DCDC1: variants seen among roughly 807,000 people sequenced by gnomAD.
The protein encoded by DCDC1 is doublecortin domain-containing protein 1.
Under a neutral mutation model 178.3 loss-of-function variants are expected in DCDC1, and 200 were observed. The ratio of observed to expected loss-of-function variants is 1.12; its 90% CI spans 1.00 to 1.26. The LOEUF (loss-of-function observed/expected upper bound fraction) is 1.26, where lower values mean the gene tolerates loss of function less well. Among genes scored for constraint, DCDC1 ranks in the 50% most tolerant of loss-of-function variants. The pLI is 0.00. For missense variants in DCDC1, 1,983 were observed against 1,749.2 expected (o/e 1.13, Z -2.38); for synonymous variants, 690 against 604.8 (o/e 1.14, Z -2.07).
At chr11:31,245,873 C>T (rs1294888220) in intron 8 of DCDC1, among the ~76,000 whole-genome samples, 1 of 151,838 alleles carries the variant, frequency 6.6e-6, no homozygotes, top group Non-Finnish European at 1.5e-5. Flanking sequence ...TCAAGAGGAT[C>T]TTCTATTAAA....
At chr11:31,186,990 T>C (rs569157519) in intron 9 of DCDC1, among the ~76,000 whole-genome samples, 34 of 152,286 alleles carry the variant, frequency 2.2e-4, no homozygotes, top group Admixed American at 9.8e-4. Flanking sequence ...TGCACGATTT[T>C]ATCTCAGGGT....
intron 7 of DCDC1, among the ~76,000 whole-genome samples, chr11:31,272,160 TAA>T (rs71060483): frequency 2.5e-3 from 343 of 135,550 alleles, no homozygotes; most frequent in African/African-American, 4.9e-3. Flanking sequence ...AGACTCCATC[TAA>T]AAAAAAAAAA....
intron 7 of DCDC1, among the ~76,000 whole-genome samples, chr11:31,267,373 G>A (rs888425513): frequency 3.9e-5 from 6 of 151,992 alleles, no homozygotes; most frequent in Non-Finnish European, 7.4e-5. Context: ...TGTATTTTTA[G>A]TAGAGACGGG....
At chr11:31,148,210 T>TAA (rs55829692) in intron 9 of DCDC1, among the ~76,000 whole-genome samples, 4,602 of 94,514 alleles carry the variant, frequency 0.049, 283 homozygotes, top group African/African-American at 0.13. Flanking sequence ...TTTATTATTA[T>TAA]AAAAAAAAAA....
chr11:31,005,038 TATG>T (rs1444142897), intron 20 of DCDC1, among the ~76,000 whole-genome samples: 1 of 152,230 alleles, frequency 6.6e-6, no homozygotes, highest in African/African-American at 2.4e-5. Context: ...AGTGAACTGA[TATG>T]ATATTTTATA....
intron 18 of DCDC1, among the ~76,000 whole-genome samples, chr11:31,075,267 C>T (rs1358072861): frequency 1.3e-5 from 2 of 152,070 alleles, no homozygotes; most frequent in African/African-American, 4.8e-5. Context: ...TGTATATATA[C>T]CACATTTTCT....
chr11:31,295,465 T>C (rs1167988044), intron 6 of DCDC1, among the ~76,000 whole-genome samples: 1 of 152,122 alleles, frequency 6.6e-6, no homozygotes, highest in African/African-American at 2.4e-5. Context: ...TGCACCCTTC[T>C]GAGAATTGCC....
At chr11:30,983,184 T>G (rs1238065530) in intron 20 of DCDC1, among the ~76,000 whole-genome samples, 1 of 152,194 alleles carries the variant, frequency 6.6e-6, no homozygotes, top group East Asian at 1.9e-4. Flanking sequence ...GCTTTGAATA[T>G]TCTCTGGTCC....
intron 20 of DCDC1, among the ~76,000 whole-genome samples, chr11:31,021,049 C>G (rs373685509): frequency 6.6e-6 from 1 of 152,024 alleles, no homozygotes; most frequent in East Asian, 1.9e-4. Flanking sequence ...TTAATCTTGC[C>G]AATTGGCAAA....
intron 9 of DCDC1, among the ~76,000 whole-genome samples, chr11:31,170,878 G>T (rs986374089): frequency 6.6e-6 from 1 of 151,936 alleles, no homozygotes; most frequent in Non-Finnish European, 1.5e-5. Flanking sequence ...TGCCCAGGCT[G>T]GAGTGCAATA....
intron 36 of DCDC1, among the ~76,000 whole-genome samples, chr11:30,892,488 G>A (rs273569): frequency 0.69 from 105,018 of 151,742 alleles, 36,720 homozygotes; most frequent in Middle Eastern, 0.81. Context: ...AATAAATAAT[G>A]TAATAATAAT....
intron 9 of DCDC1, among the ~76,000 whole-genome samples, chr11:31,182,306 T>G (rs79446305): frequency 1.3e-5 from 2 of 151,372 alleles, no homozygotes; most frequent in Non-Finnish European, 3.0e-5. Flanking sequence ...TACACCAAGA[T>G]TGAAATGAAG....
At chr11:31,297,946 G>C (rs184108426) in intron 6 of DCDC1, among the ~76,000 whole-genome samples, 181 of 152,180 alleles carry the variant, frequency 1.2e-3, no homozygotes, top group Non-Finnish European at 8.4e-4. Flanking sequence ...ATGTCTCCCT[G>C]AAATGTATAA....
At chr11:30,956,909 T>C (rs1332169354) in intron 20 of DCDC1, among the ~76,000 whole-genome samples, 1 of 152,172 alleles carries the variant, frequency 6.6e-6, no homozygotes, top group Non-Finnish European at 1.5e-5. Flanking sequence ...ACATGACTTC[T>C]TTCTCATCAA....
intron 20 of DCDC1, among the ~76,000 whole-genome samples, chr11:31,045,334 C>CA (rs1218243300): frequency 6.6e-6 from 1 of 151,782 alleles, no homozygotes; most frequent in African/African-American, 2.4e-5. Context: ...TGACGGAGGG[C>CA]AAAATCCTTC....
intron 3 of DCDC1, among the ~76,000 whole-genome samples, chr11:31,309,995 T>C (rs1423519413): frequency 1.3e-5 from 2 of 152,176 alleles, no homozygotes; most frequent in African/African-American, 4.8e-5. Flanking sequence ...CACACACATC[T>C]TCCCCATCTT....
intron 9 of DCDC1, among the ~76,000 whole-genome samples, chr11:31,225,459 T>C (rs1974807866): frequency 1.3e-5 from 2 of 151,410 alleles, no homozygotes; most frequent in Admixed American, 6.6e-5. Flanking sequence ...ATCTCAGAAA[T>C]CACCACTCAA....
At chr11:31,295,006 T>A (rs1175229819) in intron 6 of DCDC1, among the ~76,000 whole-genome samples, 7 of 152,056 alleles carry the variant, frequency 4.6e-5, no homozygotes, top group Non-Finnish European at 8.8e-5. Context: ...CAGGGTGCTA[T>A]GTGAAGAAAG....
At chr11:30,945,159 G>T (rs1370308898) in intron 21 of DCDC1, among the ~76,000 whole-genome samples, 2 of 151,088 alleles carry the variant, frequency 1.3e-5, no homozygotes, top group East Asian at 3.9e-4. Flanking sequence ...AGTAGAGACG[G>T]GGTTTCACTA....
Sources: gnomAD v4.1 joint callset for allele counts (sites outside exome capture counted in the v4.1 genomes callset) on GRCh38, gnomAD v4.1.1 for gene constraint, MANE v1.5 for transcripts, NCBI Gene and HGNC (gene_info 2026-07-23, HGNC 2026-07-21) for gene names.